The following IFI27L1 variants were observed in gnomAD, a reference collection of about 807,000 sequenced individuals.
IFI27L1 encodes the protein interferon alpha inducible protein 27 like 1.
In IFI27L1, 3 loss-of-function variants were observed where a neutral mutation model predicts 9.2. The ratio of observed to expected loss-of-function variants is 0.32; its 90% CI spans 0.15 to 0.84. IFI27L1 has a LOEUF of 0.84. Ranked by LOEUF, IFI27L1 falls within the 40% of genes least tolerant of loss-of-function variation. IFI27L1 has a pLI of 0.56. For synonymous variants in IFI27L1, 53 were observed against 50.0 expected, an observed-to-expected ratio of 1.06 and a Z score of -0.26; for missense variants, 133 against 134.2, an observed-to-expected ratio of 0.99 and a Z score of 0.05.
At chr14:94,102,361 G>T in intron 4 of IFI27L1, 116 bp from the exon 5 acceptor site, 1 of 629,974 alleles carries the variant, frequency 1.6e-6, no homozygotes, top group Non-Finnish European at 2.7e-6. Flanking sequence ...TGGGGAACAG[G>T]GTTGGACTGC....
intron 1 of IFI27L1, among the ~76,000 whole-genome samples, chr14:94,095,095 C>A (rs1490683022): frequency 1.3e-5 from 2 of 152,166 alleles, no homozygotes; most frequent in Non-Finnish European, 2.9e-5. Flanking sequence ...AGTGCAGTGG[C>A]ATGATCACAG....
intron 1 of IFI27L1, among the ~76,000 whole-genome samples, chr14:94,086,250 T>C (rs1886276119): frequency 6.6e-6 from 1 of 152,226 alleles, no homozygotes; most frequent in Non-Finnish European, 1.5e-5. Flanking sequence ...TTCCACCTTC[T>C]GCCATGATCG....
chr14:94,088,534 C>G (rs1002339038), intron 1 of IFI27L1, among the ~76,000 whole-genome samples: 4 of 146,508 alleles, frequency 2.7e-5, no homozygotes, highest in Non-Finnish European at 6.0e-5. Context: ...GAGTCTTGCT[C>G]TGTCGCCCAG....
intron 1 of IFI27L1, among the ~76,000 whole-genome samples, chr14:94,082,182 G>C (rs1196661276): frequency 6.6e-6 from 1 of 152,178 alleles, no homozygotes; most frequent in African/African-American, 2.4e-5. Context: ...GGTTTGGATA[G>C]AAAATAAAAC....
chr14:94,092,436 G>A (rs1205834059), intron 1 of IFI27L1, among the ~76,000 whole-genome samples: 8 of 151,876 alleles, frequency 5.3e-5, no homozygotes, highest in African/African-American at 1.2e-4. Flanking sequence ...GCTTGAACCC[G>A]GGAGGTGGAG....
At chr14:94,100,419 C>T in intron 2 of IFI27L1, 5 of 985,412 alleles carry the variant, frequency 5.1e-6, no homozygotes, top group Non-Finnish European at 6.0e-6. Context: ...GATGTTCCTG[C>T]CAGCCCTGAG....
intron 3 of IFI27L1, chr14:94,101,351 T>A: frequency 4.6e-6 from 1 of 218,368 alleles, no homozygotes; most frequent in Non-Finnish European, 9.1e-6. Flanking sequence ...CTGACTGCAC[T>A]GCTCTGGAGA....
chr14:94,091,484 A>G (rs1323534240), intron 1 of IFI27L1, among the ~76,000 whole-genome samples: 2 of 152,228 alleles, frequency 1.3e-5, no homozygotes, highest in Non-Finnish European at 2.9e-5. Context: ...CATGCTTCCT[A>G]TATGATTTTT....
At chr14:94,097,077 C>T in intron 2 of IFI27L1, 112 bp downstream of exon 2, 1 of 753,958 alleles carries the variant, frequency 1.3e-6, no homozygotes, top group South Asian at 2.1e-5. Flanking sequence ...GAGAGGGAGG[C>T]TATCCATGGA....
At chr14:94,086,275 C>T (rs1567066513) in intron 1 of IFI27L1, among the ~76,000 whole-genome samples, 1 of 150,622 alleles carries the variant, frequency 6.6e-6, no homozygotes, top group Non-Finnish European at 1.5e-5. Context: ...CTTCCTGAGG[C>T]CTACCTAGAA....
chr14:94,097,678 G>A (rs530735406), intron 2 of IFI27L1: 1 of 702,324 alleles, frequency 1.4e-6, no homozygotes, highest in South Asian at 1.5e-5. Context: ...TATTTCTGAA[G>A]GTGAATAAGC....
chr14:94,083,870 G>A (rs151240114), intron 1 of IFI27L1, among the ~76,000 whole-genome samples: 20 of 152,270 alleles, frequency 1.3e-4, no homozygotes, highest in Admixed American at 9.2e-4. Context: ...AGGGAGGATC[G>A]CTTGGGCTCT....
chr14:94,100,454 A>G (rs1489448220), intron 2 of IFI27L1: 1 of 985,200 alleles, frequency 1.0e-6, no homozygotes, highest in Non-Finnish European at 1.2e-6. Context: ...CAGGAGGCCC[A>G]GGCATGCTCT....
At chr14:94,102,194 C>T (rs1886927242) in intron 4 of IFI27L1, 1 of 612,448 alleles carries the variant, frequency 1.6e-6, no homozygotes, top group Non-Finnish European at 2.9e-6. Context: ...CAGGTCTCCT[C>T]CCCTCTCTGG....
intron 1 of IFI27L1, among the ~76,000 whole-genome samples, chr14:94,096,221 A>G (rs2139271284): frequency 6.6e-6 from 1 of 152,288 alleles, no homozygotes; most frequent in South Asian, 2.1e-4. Context: ...TGGGCCATAC[A>G]AGGCTGTTGA....
intron 1 of IFI27L1, among the ~76,000 whole-genome samples, chr14:94,092,526 C>G (rs1212386297): frequency 1.3e-5 from 2 of 151,784 alleles, no homozygotes; most frequent in African/African-American, 4.8e-5. Context: ...CAAAACAAAA[C>G]AAAACAAAAA....
At chr14:94,081,813 A>G (rs1886117186) in intron 1 of IFI27L1, among the ~76,000 whole-genome samples, 1 of 152,176 alleles carries the variant, frequency 6.6e-6, no homozygotes, top group East Asian at 1.9e-4. Flanking sequence ...AGACTAATCC[A>G]CTGACAGGCC....
chr14:94,102,557 C>A lies in IFI27L1; in HGVS notation c.304C>A (p.Pro102Thr). The change falls in exon 5 of 5, where the codon CCT (proline) becomes ACT (threonine). Residue 102 changes from proline (P) to threonine (T), a missense_variant. By Grantham distance (38) the Pro-to-Thr change is conservative. Transcript: ENST00000555523. ...TCTTGGGGCCTGGCTGGGTTCACCCCCTTCCAGCTGAACACCACACTGAGG... is the reference window on the plus strand; with the variant it reads ...TCTTGGGGCCTGGCTGGGTTCACCCACTTCCAGCTGAACACCACACTGAGG... ...TALGAWLGSP[P>T]SS 3.2e-6 allele frequency: 5 copies of A among 1,562,286 alleles called. No individual in the cohort carries two copies. Among genetic ancestry groups the A allele is most frequent in the Middle Eastern group, 1.7e-4 (1 of 5,848 alleles).
At chr14:94,088,305 T>C (rs1261882830) in intron 1 of IFI27L1, 1 of 702,272 alleles carries the variant, frequency 1.4e-6, no homozygotes. Context: ...ATGCAGAAGG[T>C]AAGTTTTCAT....
Sources: gnomAD v4.1 joint callset for allele counts (sites outside exome capture counted in the v4.1 genomes callset) on GRCh38, gnomAD v4.1.1 for gene constraint, MANE v1.5 for transcripts, NCBI Gene and HGNC (gene_info 2026-07-23, HGNC 2026-07-21) for gene names.